Variants in USP54 observed in about 807,000 individuals in gnomAD.
USP54 encodes ubiquitin specific peptidase 54.
Under a neutral mutation model 170.5 loss-of-function variants are expected in USP54, and 87 were observed. The ratio of observed to expected loss-of-function variants is 0.51; its 90% CI spans 0.43 to 0.61. The LOEUF is 0.61. Ranked by LOEUF, USP54 falls within the 20% of genes least tolerant of loss-of-function variation. USP54 has a pLI of 0.00. For missense variants in USP54, 1,786 were observed against 2,047.8 expected (o/e 0.87, Z 2.47); for synonymous variants, 655 against 742.8 (o/e 0.88, Z 1.92).
intron 4 of USP54, among the ~76,000 whole-genome samples, chr10:73,547,490 AG>A: frequency 1.3e-5 from 2 of 152,338 alleles, no homozygotes; most frequent in South Asian, 4.1e-4. Context: ...CTATACTACA[AG>A]ACTACAGTAA....
Position 73,529,701 on chromosome 10 carries a change from G to A in USP54, c.2039C>T (p.Pro680Leu). The A allele has an allele frequency of 6.2e-7, 1 of 1,614,108 alleles. No individual in the cohort carries two copies. Among genetic ancestry groups the A allele is most frequent in the Non-Finnish European group, 8.5e-7 (1 of 1,179,960 alleles). The change falls in exon 15 of 24, where the codon CCT becomes CTT. Residue 680 changes from proline to leucine, a missense_variant. Transcript: ENST00000687698. Reference protein sequence around the residue: ...SSPVSLDAALPESSNVYRDPS... With the variant: ...SSPVSLDAALLESSNVYRDPS... ...ATACCTGTAGACATTTGAGCTCTCA[G>A]GCAGGGCTGCATCCAGGCTGACAGG...
At chr10:73,551,775 T>G (rs934255934) in intron 4 of USP54, among the ~76,000 whole-genome samples, 1 of 152,196 alleles carries the variant, frequency 6.6e-6, no homozygotes, top group Non-Finnish European at 1.5e-5. Flanking sequence ...AAATCCAAAA[T>G]TGGTTCCAAA....
At chr10:73,502,321 T>A (rs984957872) in intron 22 of USP54, among the ~76,000 whole-genome samples, 1 of 152,160 alleles carries the variant, frequency 6.6e-6, no homozygotes, top group African/African-American at 2.4e-5. Context: ...TCTTCTTTTT[T>A]TTTTTGAGAC....
intron 1 of USP54, chr10:73,614,965 T>C (rs1299364234): frequency 6.7e-6 from 1 of 150,148 alleles, no homozygotes; most frequent in Non-Finnish European, 1.5e-5. Context: ...ATGTTTAAAA[T>C]ACAGGGATAC....
At chr10:73,545,435 A>T in intron 5 of USP54, 103 bp downstream of exon 5, 1 of 1,425,502 alleles carries the variant, frequency 7.0e-7, no homozygotes, top group Non-Finnish European at 9.6e-7. Context: ...TTCTAACTGT[A>T]GAGATAAGGG....
At chr10:73,550,925 T>TG (rs2069163794) in intron 4 of USP54, among the ~76,000 whole-genome samples, 1 of 151,984 alleles carries the variant, frequency 6.6e-6, no homozygotes, top group Admixed American at 6.6e-5. Flanking sequence ...GCTAACAAGG[T>TG]GAAACCCCGT....
chr10:73,609,221 A>C (rs745395314), intron 1 of USP54, among the ~76,000 whole-genome samples: 2 of 152,242 alleles, frequency 1.3e-5, no homozygotes, highest in Non-Finnish European at 2.9e-5. Context: ...AGGAGTTGAA[A>C]GAAATGGCAA....
chr10:73,561,962 G>A (rs544988079), intron 4 of USP54, among the ~76,000 whole-genome samples: 17 of 152,254 alleles, frequency 1.1e-4, no homozygotes, highest in African/African-American at 3.1e-4. Context: ...TTAGCTGGGC[G>A]TGGTGGCACA....
At chr10:73,520,876 G>A (rs1456877380) in intron 18 of USP54, 32 bp downstream of exon 18, 1 of 1,613,710 alleles carries the variant, frequency 6.2e-7, no homozygotes, top group East Asian at 2.2e-5. Flanking sequence ...TTAGTCAAAA[G>A]TGCCACAGCC....
intron 20 of USP54, 51 bp downstream of exon 20, chr10:73,516,324 A>G (rs2061076125): frequency 1.3e-6 from 2 of 1,543,710 alleles, no homozygotes; most frequent in Non-Finnish European, 1.7e-6. Flanking sequence ...CCCTGCTTTC[A>G]GCTTTTATAT....
At chr10:73,605,745 A>G (rs2079565653) in intron 1 of USP54, among the ~76,000 whole-genome samples, 1 of 152,174 alleles carries the variant, frequency 6.6e-6, no homozygotes, top group Non-Finnish European at 1.5e-5. Flanking sequence ...CAACAGGACA[A>G]ATACCAATGA....
At chr10:73,560,425 C>T (rs368758901) in intron 4 of USP54, among the ~76,000 whole-genome samples, 8 of 150,474 alleles carry the variant, frequency 5.3e-5, no homozygotes, top group East Asian at 4.0e-4. Flanking sequence ...GAGGTCGAGG[C>T]GGGCGGATCA....
At position 73,530,815 on chromosome 10, in the gene USP54, A is replaced by T; in HGVS notation, c.1336T>A (p.Cys446Ser). The change falls in exon 13 of 24, where the codon TGT (cysteine) becomes AGT (serine). Residue 446 changes from cysteine (C) to serine (S), a missense_variant. Around this residue, in one of 3 missense-constraint regions of USP54, gnomAD observed 1,418 missense variants for 1,569.0 expected, o/e 0.90. Coordinates refer to ENST00000687698, the MANE Select transcript of USP54 (RefSeq NM_001391956.1). The stretch of plus-strand genomic sequence containing the variant: ...TTCTTGGATGTGTGTTTCTGATTAC[A>T]TTCACTATCAGTCAGGTGTCCTGAA... ...RDTGHLTDSECNQKHTSKKGS... is the reference protein window; with the variant it reads ...RDTGHLTDSESNQKHTSKKGS... 1 of 1,614,016 alleles carries T rather than the reference A, an allele frequency of 6.2e-7. No individual in the cohort carries two copies. Among genetic ancestry groups the T allele is most frequent in the Non-Finnish European group, 8.5e-7 (1 of 1,179,936 alleles).
intron 1 of USP54, among the ~76,000 whole-genome samples, chr10:73,577,428 TAA>T (rs2076264858): frequency 6.6e-6 from 1 of 152,202 alleles, no homozygotes; most frequent in African/African-American, 2.4e-5. Context: ...ATGTCCCAAT[TAA>T]AGTATTTGAT....
At chr10:73,554,141 A>G (rs546737200) in intron 4 of USP54, among the ~76,000 whole-genome samples, 2 of 152,198 alleles carry the variant, frequency 1.3e-5, no homozygotes, top group Admixed American at 6.5e-5. Context: ...CTTATATCTA[A>G]AAGAAGTCAT....
chr10:73,605,956 T>G (rs1228676547), intron 1 of USP54, among the ~76,000 whole-genome samples: 1 of 151,788 alleles, frequency 6.6e-6, no homozygotes. Context: ...GGCGGGTGGA[T>G]CACCCAATGT....
intron 1 of USP54, among the ~76,000 whole-genome samples, chr10:73,588,744 C>T (rs1485793392): frequency 6.6e-6 from 1 of 152,216 alleles, no homozygotes; most frequent in East Asian, 1.9e-4. Context: ...CATTTCCAAC[C>T]TCATCTACCC....
intron 1 of USP54, among the ~76,000 whole-genome samples, chr10:73,619,994 G>A (rs542420910): frequency 6.6e-6 from 1 of 150,606 alleles, no homozygotes; most frequent in East Asian, 1.9e-4. Context: ...TTGCAGCTGT[G>A]TGACTTTGGG....
At chr10:73,507,667 C>T (rs1053149304) in intron 20 of USP54, among the ~76,000 whole-genome samples, 3 of 99,494 alleles carry the variant, frequency 3.0e-5, no homozygotes, top group East Asian at 2.6e-4. Context: ...GAGACTCCGT[C>T]GCAAAAAAAA....
Sources: gnomAD v4.1 joint callset for allele counts (sites outside exome capture counted in the v4.1 genomes callset) on GRCh38, gnomAD v4.1.1 for gene constraint, gnomAD v4.1.1 regional missense constraint, MANE v1.5 for transcripts, NCBI Gene and HGNC (gene_info 2026-07-23, HGNC 2026-07-21) for gene names.